Variants in LRP5 observed in about 807,000 individuals in gnomAD.
The protein encoded by LRP5 is LDL receptor related protein 5, also known as low-density lipoprotein receptor-related protein 5.
In LRP5, 62 loss-of-function variants were observed where a neutral mutation model predicts 154.1. The observed-to-expected ratio is 0.40, with a 90% CI of 0.33 to 0.50. LRP5 has a LOEUF of 0.50. Among genes scored for constraint, LRP5 ranks in the 20% least tolerant of loss-of-function variants. LRP5 has a pLI of 0.55. For missense variants in LRP5, 1,915 were observed against 2,336.7 expected, an observed-to-expected ratio of 0.82 and a Z score of 3.72; for synonymous variants, 966 against 1,011.5, an observed-to-expected ratio of 0.96 and a Z score of 0.85.
chr11:68,408,216 C>T (rs2098656829), intron 9 of LRP5, among the ~76,000 whole-genome samples: 1 of 149,398 alleles, frequency 6.7e-6, no homozygotes, highest in Admixed American at 6.7e-5. Flanking sequence ...GCTGGGACTA[C>T]AGGCACACAC....
At chr11:68,429,837 G>C in intron 17 of LRP5, 137 bp downstream of exon 17, 1 of 1,160,498 alleles carries the variant, frequency 8.6e-7, no homozygotes, top group South Asian at 1.3e-5. Flanking sequence ...GTCTTCCTTT[G>C]CCCTCCTTTC....
Position 68,438,476 on chromosome 11 carries a change from C to T in LRP5, c.4142C>T (p.Pro1381Leu), listed in dbSNP as rs369637767. ...EITKPPSDDS[P>L]AHSSAIGPVI... ...ACCAAGCCGCCCTCAGACGACAGCC[C>T]GGCCCACAGCAGTGCCATCGGGCCC... Residue 1381 changes from proline to leucine, a missense_variant, in exon 20 of 23, where the codon CCG (proline) becomes CTG (leucine). Physicochemically the swap from Pro to Leu is moderately conservative, Grantham distance 98. Coordinates refer to ENST00000294304, the MANE Select transcript of LRP5 (RefSeq NM_002335.4). 2.7e-5 allele frequency: 43 copies of T among 1,614,070 alleles called. No individual in the cohort carries two copies. The highest frequency in any genetic ancestry group is 8.3e-5 in the Admixed American group (5 of 60,014).
intron 16 of LRP5, among the ~76,000 whole-genome samples, 177 bp downstream of exon 16, chr11:68,426,364 T>C (rs1299366250): frequency 6.6e-6 from 1 of 152,022 alleles, no homozygotes; most frequent in Non-Finnish European, 1.5e-5. Context: ...GCCTCTGAGG[T>C]TGTTTTCTTT....
At chr11:68,402,304 T>G (rs2098653054) in intron 7 of LRP5, among the ~76,000 whole-genome samples, 1 of 152,218 alleles carries the variant, frequency 6.6e-6, no homozygotes, top group African/African-American at 2.4e-5. Flanking sequence ...GGCTGTATGC[T>G]TCCGTTGGTT....
At chr11:68,369,021 A>G (rs531036788) in intron 5 of LRP5, among the ~76,000 whole-genome samples, 4 of 152,176 alleles carry the variant, frequency 2.6e-5, no homozygotes, top group Non-Finnish European at 5.9e-5. Context: ...TATGTTTAGT[A>G]GAGATGGGGT....
intron 7 of LRP5, among the ~76,000 whole-genome samples, chr11:68,398,992 C>T (rs908873879): frequency 2.6e-5 from 4 of 152,162 alleles, no homozygotes; most frequent in Admixed American, 2.0e-4. Flanking sequence ...GCTGGGATTA[C>T]AGGCTCGAGC....
chr11:68,334,318 G>A (rs1591186409), intron 1 of LRP5, among the ~76,000 whole-genome samples: 2 of 152,166 alleles, frequency 1.3e-5, no homozygotes, highest in South Asian at 4.1e-4. Context: ...TCCAGCATCC[G>A]GAAGCAAGGT....
chr11:68,363,477 T>A (rs2153139213), intron 3 of LRP5, among the ~76,000 whole-genome samples: 1 of 152,202 alleles, frequency 6.6e-6, no homozygotes, highest in African/African-American at 2.4e-5. Context: ...GCCAACATGA[T>A]GAAACCCTGT....
intron 19 of LRP5, among the ~76,000 whole-genome samples, chr11:68,437,854 C>T (rs983455789): frequency 2.0e-5 from 3 of 152,362 alleles, no homozygotes; most frequent in South Asian, 2.1e-4. Flanking sequence ...GCTGTTGATG[C>T]GCAGCCAGGC....
At chr11:68,348,314 T>C in intron 2 of LRP5, 71 bp downstream of exon 2, 1 of 1,582,972 alleles carries the variant, frequency 6.3e-7, no homozygotes, top group Non-Finnish European at 8.6e-7. Context: ...CGAATTTGCA[T>C]GAGCCCAAGT....
At chr11:68,368,708 C>G (rs1373799942) in intron 5 of LRP5, among the ~76,000 whole-genome samples, 1 of 152,126 alleles carries the variant, frequency 6.6e-6, no homozygotes, top group Non-Finnish European at 1.5e-5. Context: ...CTGCGTTTTT[C>G]CTGTATGTGA....
chr11:68,324,705 G>GC (rs1199311513), intron 1 of LRP5, among the ~76,000 whole-genome samples: 1 of 152,260 alleles, frequency 6.6e-6, no homozygotes, highest in Non-Finnish European at 1.5e-5. Context: ...GTCCAGCTGT[G>GC]CCCACTGGCA....
intron 18 of LRP5, among the ~76,000 whole-genome samples, chr11:68,434,569 A>C (rs2098673862): frequency 6.6e-6 from 1 of 152,034 alleles, no homozygotes; most frequent in Non-Finnish European, 1.5e-5. Context: ...TAGTAGAGAC[A>C]GGGTTTCACC....
intron 1 of LRP5, among the ~76,000 whole-genome samples, chr11:68,326,369 G>T (rs1422073940): frequency 6.6e-6 from 1 of 152,238 alleles, no homozygotes; most frequent in East Asian, 1.9e-4. Flanking sequence ...TCCTCTGTGG[G>T]GGGCTCCTCC....
intron 1 of LRP5, among the ~76,000 whole-genome samples, chr11:68,314,845 C>G (rs548111962): frequency 5.5e-4 from 84 of 152,348 alleles, no homozygotes; most frequent in African/African-American, 2.0e-3. Context: ...AAAGCAGGGC[C>G]CCGTGTGTTT....
In LRP5 at chr11:68,438,606, C is replaced by T. The variant is rs145226802; in HGVS notation, c.4272C>T (p.His1424=). ...CGGGGGCCAACGGGCCCTTCCCGCA[C>T]GAGTATGTCAGCGGGACCCCGCACG... ...RYAGANGPFP[H]EYVSGTPHVP... is the part of the protein sequence containing the mutation. Residue 1424 remains histidine, a synonymous_variant, in exon 20 of 23, where the codon CAC becomes CAT. Coordinates refer to ENST00000294304, the MANE Select transcript of LRP5 (RefSeq NM_002335.4). The T allele has an allele frequency of 6.1e-5, 99 of 1,613,920 alleles. No homozygotes were observed. In the Admixed American group the frequency reaches 1.4e-3, roughly 23 times the overall value.
chr11:68,357,304 C>G (rs1168683563), intron 2 of LRP5, among the ~76,000 whole-genome samples: 1 of 100,158 alleles, frequency 1.0e-5, no homozygotes, highest in African/African-American at 2.7e-5. Flanking sequence ...TTTAGAGGTT[C>G]ATTTACAGCA....
Position 68,439,889 on chromosome 11 carries a change from C to G in LRP5, c.4461C>G (p.Ser1487=), listed in dbSNP as rs762541197. Residue 1487 remains serine, a synonymous_variant, in exon 21 of 23, where the codon TCC becomes TCG. Coordinates refer to ENST00000294304, the MANE Select transcript of LRP5 (RefSeq NM_002335.4). The stretch of plus-strand genomic sequence containing the variant: ...CAGGGGCCTCGTCCAGCAGCTCGTC[C>G]AGCACGAAGGCCACGCTGTACCCGC... ...HVTGASSSSS[S]STKATLYPPI... The G allele has an allele frequency of 3.8e-6, 6 of 1,568,166 alleles. 1 individual carries two copies. Among genetic ancestry groups the G allele is most frequent in the Middle Eastern group, 3.4e-4 (2 of 5,906 alleles).
chr11:68,397,962 CTGTGTGTGTT>C (rs1341476457), intron 7 of LRP5, among the ~76,000 whole-genome samples: 18 of 36,670 alleles, frequency 4.9e-4, no homozygotes, highest in African/African-American at 1.1e-3. Flanking sequence ...CACTGCAGAG[CTGTGTGTGTT>C]TGTGTGTGTG....
Sources: allele counts gnomAD v4.1 joint callset (sites outside exome capture counted in the v4.1 genomes callset), GRCh38; gene constraint gnomAD v4.1.1; transcripts MANE v1.5; gene names NCBI Gene and HGNC (gene_info 2026-07-23, HGNC 2026-07-21).